The following DCDC2 variants were observed in gnomAD, a reference collection of about 807,000 sequenced individuals.
DCDC2 encodes doublecortin domain-containing protein 2.
A neutral mutation model predicts 50.2 loss-of-function variants in DCDC2; 40 were observed. The ratio of observed to expected loss-of-function variants is 0.80; its 90% CI spans 0.62 to 1.04. The LOEUF (loss-of-function observed/expected upper bound fraction) is 1.04. DCDC2 is among the 50% of genes least tolerant of loss of function. The pLI, the probability that DCDC2 is intolerant of heterozygous loss-of-function variation, is 0.00. For missense variants in DCDC2, 570 were observed against 581.9 expected, an observed-to-expected ratio of 0.98 and a Z score of 0.21; for synonymous variants, 234 against 210.6, an observed-to-expected ratio of 1.11 and a Z score of -0.96.
At chr6:24,295,696 A>G (rs1759216255) in intron 4 of DCDC2, among the ~76,000 whole-genome samples, 3 of 152,192 alleles carry the variant, frequency 2.0e-5, no homozygotes, top group Admixed American at 1.3e-4. Context: ...GCTGAGCACC[A>G]TATCAGGAGC....
chr6:24,370,961 T>C, the DCDC2 span, among the ~76,000 whole-genome samples: 1 of 152,016 alleles, frequency 6.6e-6, no homozygotes, highest in Non-Finnish European at 1.5e-5. Flanking sequence ...AAGGTGATAT[T>C]AGCAAACTGT....
intron 6 of DCDC2, among the ~76,000 whole-genome samples, chr6:24,284,745 C>G (rs1260586520): frequency 6.6e-6 from 1 of 152,102 alleles, no homozygotes; most frequent in Non-Finnish European, 1.5e-5. Context: ...CCTGCCTCTC[C>G]GATTTCATTC....
At chr6:24,283,367 C>T (rs924851544) in intron 6 of DCDC2, among the ~76,000 whole-genome samples, 2 of 152,186 alleles carry the variant, frequency 1.3e-5, no homozygotes, top group African/African-American at 4.8e-5. Context: ...AAGGCATTCC[C>T]CAGGCTCCCT....
chr6:24,226,498 T>G (rs1428717898), intron 7 of DCDC2, among the ~76,000 whole-genome samples: 1 of 152,206 alleles, frequency 6.6e-6, no homozygotes, highest in Non-Finnish European at 1.5e-5. Flanking sequence ...TGGCAAGACT[T>G]GCATCCAAAA....
At chr6:24,248,931 C>T (rs1213613258) in intron 7 of DCDC2, among the ~76,000 whole-genome samples, 1 of 152,118 alleles carries the variant, frequency 6.6e-6, no homozygotes, top group Non-Finnish European at 1.5e-5. Context: ...CCATAACTAC[C>T]AATTACCAAT....
chr6:24,180,054 A>G (rs1390923575), intron 8 of DCDC2, among the ~76,000 whole-genome samples: 2 of 151,734 alleles, frequency 1.3e-5, no homozygotes, highest in Admixed American at 1.3e-4. Flanking sequence ...CTGACCAGGC[A>G]CTTACTGGCT....
chr6:24,329,634 C>T (rs895110482), intron 2 of DCDC2, among the ~76,000 whole-genome samples: 1 of 152,136 alleles, frequency 6.6e-6, no homozygotes, highest in Non-Finnish European at 1.5e-5. Context: ...CTACCCATTG[C>T]CATGATTCAT....
chr6:24,379,069 G>A, the DCDC2 span, among the ~76,000 whole-genome samples: 1 of 151,744 alleles, frequency 6.6e-6, no homozygotes, highest in Admixed American at 6.6e-5. Flanking sequence ...AGACTTAAAG[G>A]TAAGATCTAA....
Position 24,205,096 on chromosome 6 carries a change from C to G in DCDC2, c.929G>C (p.Gly310Ala), listed in dbSNP as rs746447569. The G allele has an allele frequency of 6.2e-7, 1 of 1,614,022 alleles. No individual in the cohort carries two copies. The highest frequency in any genetic ancestry group is 8.5e-7 in the Non-Finnish European group (1 of 1,180,006). The part of the protein sequence containing the change: ...SQETIPNSDE[G>A]IFKAGAERSE... ...CCTCTCTGCTCCAGCTTTGAAAATG[C>G]CTTCATCTATTGAGACAAACACACA... Residue 310 changes from glycine (G) to alanine (A), a missense_variant, in exon 8 of 10, where the codon GGC becomes GCC. Gly to Ala is a moderately conservative substitution (Grantham distance 60). Transcript: ENST00000378454.
At chr6:24,338,955 G>A (rs1760106479) in intron 2 of DCDC2, among the ~76,000 whole-genome samples, 1 of 152,040 alleles carries the variant, frequency 6.6e-6, no homozygotes, top group South Asian at 2.1e-4. Flanking sequence ...CTTTTGGTTG[G>A]TTTTAGGAAA....
rs563616388 is a variant in DCDC2 at position 24,279,775 on chromosome 6, CT to C, written c.760-1565del. 1.6e-3 allele frequency among the ~76,000 whole-genome samples: 238 copies of C among 152,272 alleles called. 1 individual carries two copies. Among genetic ancestry groups the C allele is most frequent in the Middle Eastern group, 6.8e-3 (2 of 294 alleles). ...CTGCCACTGAACACAGGGACCATGC[CT>C]TAACTAACTCTTAATTTCTCTAAGC... On this transcript the variant is annotated intron_variant, in intron 6 of 9. Coordinates refer to ENST00000378454, the MANE Select transcript of DCDC2 (RefSeq NM_016356.5).
At chr6:24,210,083 C>CCTGCCTGT (rs1358528282) in intron 7 of DCDC2, among the ~76,000 whole-genome samples, 3 of 144,640 alleles carry the variant, frequency 2.1e-5, no homozygotes, top group Admixed American at 6.9e-5. Flanking sequence ...TGCCTGCCTG[C>CCTGCCTGT]CTGTCTGTCT....
At chr6:24,207,550 A>G (rs921075011) in intron 7 of DCDC2, among the ~76,000 whole-genome samples, 1 of 152,200 alleles carries the variant, frequency 6.6e-6, no homozygotes, top group African/African-American at 2.4e-5. Context: ...GATCTACTGC[A>G]TAATAGTCAC....
intron 6 of DCDC2, among the ~76,000 whole-genome samples, chr6:24,285,694 T>A (rs17302582): frequency 6.6e-6 from 1 of 152,118 alleles, no homozygotes; most frequent in Non-Finnish European, 1.5e-5. Context: ...TACCTACACA[T>A]GCATTTTAAA....
rs536085773 is a variant in DCDC2 at position 24,194,122 on chromosome 6, G to A, written c.1023+10880C>T. Among the ~76,000 whole-genome samples, 13 of 152,224 alleles carry A rather than the reference G, an allele frequency of 8.5e-5. No homozygotes were observed. The South Asian group carries it at 2.7e-3, about 32-fold the overall frequency. ...TTAGGAATATAGCAGTACTCCATGA[G>A]AAATAGCTAAACTAGTTCAAATCAG... On this transcript the variant is annotated intron_variant, in intron 8 of 9. Coordinates refer to ENST00000378454, the MANE Select transcript of DCDC2 (RefSeq NM_016356.5).
chr6:24,352,204 A>G (rs1430461118), intron 2 of DCDC2, among the ~76,000 whole-genome samples: 1 of 152,246 alleles, frequency 6.6e-6, no homozygotes, highest in African/African-American at 2.4e-5. Flanking sequence ...TGGAATCCAG[A>G]GTAAATATAC....
chr6:24,294,332 G>C (rs807711), intron 4 of DCDC2, among the ~76,000 whole-genome samples: 8,536 of 152,118 alleles, frequency 0.056, 745 homozygotes, highest in African/African-American at 0.19. Context: ...TTTAGCCTGG[G>C]CAACAGAGTG....
At chr6:24,368,248 C>G in the DCDC2 span, among the ~76,000 whole-genome samples, 1 of 151,726 alleles carries the variant, frequency 6.6e-6, no homozygotes, top group African/African-American at 2.4e-5. Context: ...TATCTTTAAT[C>G]AAAATTCCAG....
chr6:24,381,991 G>GGAAA, the DCDC2 span, among the ~76,000 whole-genome samples: 1 of 144,776 alleles, frequency 6.9e-6, no homozygotes, highest in Admixed American at 6.9e-5. Flanking sequence ...AAGGAAGGAA[G>GGAAA]GAAGGAAGGA....
Sources: gnomAD v4.1 joint callset for allele counts (sites outside exome capture counted in the v4.1 genomes callset) on GRCh38, gnomAD v4.1.1 for gene constraint, MANE v1.5 for transcripts, NCBI Gene and HGNC (gene_info 2026-07-23, HGNC 2026-07-21) for gene names.